XPA: variants seen among roughly 807,000 people sequenced by gnomAD.
XPA encodes XPA, DNA damage recognition and repair factor.
Under a neutral mutation model 35.7 loss-of-function variants are expected in XPA, and 27 were observed. That is an observed-to-expected ratio of 0.76 (90% CI 0.56 to 1.04). XPA has a LOEUF of 1.04. XPA is among the 50% of genes least tolerant of loss of function. XPA has a pLI of 0.00. For synonymous variants in XPA, 133 were observed against 118.4 expected (o/e 1.12, Z -0.80); for missense variants, 354 against 342.7 (o/e 1.03, Z -0.26).
At chr9:97,654,770 C>T in the XPA span, 2 of 941,562 alleles carry the variant, frequency 2.1e-6, no homozygotes, top group East Asian at 2.6e-5. Context: ...AAAAGATGTT[C>T]AGCATTATTA....
chr9:97,684,781 G>T, intron 5 of XPA, 142 bp downstream of exon 5: 1 of 756,054 alleles, frequency 1.3e-6, no homozygotes, highest in East Asian at 2.6e-5. Flanking sequence ...AACATACTGA[G>T]GGCAAACTGT....
intron 4 of XPA, among the ~76,000 whole-genome samples, chr9:97,686,088 T>G (rs1215774466): frequency 6.6e-6 from 1 of 152,232 alleles, no homozygotes; most frequent in Non-Finnish European, 1.5e-5. Flanking sequence ...CAACAGAATC[T>G]TAGTATTTAA....
At chr9:97,683,527 G>A (rs1478494628) in intron 5 of XPA, among the ~76,000 whole-genome samples, 1 of 152,124 alleles carries the variant, frequency 6.6e-6, no homozygotes, top group Non-Finnish European at 1.5e-5. Context: ...ATGTGTATAA[G>A]GATGTTGATC....
At chr9:97,667,598 ATAGC>A in the XPA span, among the ~76,000 whole-genome samples, 5 of 152,208 alleles carry the variant, frequency 3.3e-5, no homozygotes, top group Non-Finnish European at 4.4e-5. Flanking sequence ...GTTAAGTAAC[ATAGC>A]TAGTAGGTTG....
At chr9:97,658,133 G>A in the XPA span, among the ~76,000 whole-genome samples, 1 of 151,372 alleles carries the variant, frequency 6.6e-6, no homozygotes, top group South Asian at 2.1e-4. Context: ...ATTGCCATTG[G>A]GGTGTCATTG....
downstream of XPA, among the ~76,000 whole-genome samples, chr9:97,674,647 A>G (rs1828293585): frequency 6.6e-6 from 1 of 152,196 alleles, no homozygotes; most frequent in African/African-American, 2.4e-5. Flanking sequence ...TCCTTTCCTT[A>G]GAAGTCTGAA....
rs1828307385 is a variant in XPA at position 97,675,033 on chromosome 9, A to T, written c.*406T>A. ...AAAACACATGACTAGAACCTGGGGT[A>T]CAGTGGTGCACCACCATTGCTATTA... On this transcript the variant is annotated 3_prime_UTR_variant, in exon 6 of 6. Transcript: ENST00000375128. 6 of 528,736 alleles carry T rather than the reference A, an allele frequency of 1.1e-5. No individual in the cohort carries two copies. Among genetic ancestry groups the T allele is most frequent in the Non-Finnish European group, 1.8e-5 (5 of 273,018 alleles). The allele number at this position is 528,736 out of a possible 1,614,324, so 32.8% of individuals were successfully genotyped here. A position where few individuals can be genotyped will look rare whatever the true frequency, so the allele number is the denominator to read the frequency against.
intron 5 of XPA, 154 bp from the exon 6 acceptor site, chr9:97,675,741 T>C (rs535776074): frequency 7.0e-6 from 7 of 994,484 alleles, no homozygotes; most frequent in Non-Finnish European, 1.1e-5. Context: ...CAAAGTTGAT[T>C]ATACAAACTT....
Position 97,697,258 on chromosome 9 carries a change from G to GCCGCCTCCGGCAAAGCCC in XPA, c.17_34dup (p.Gly6_Ala11dup), listed in dbSNP as rs1403612568. On this transcript the variant is annotated inframe_insertion, in exon 1 of 6. Coordinates refer to ENST00000375128, the MANE Select transcript of XPA (RefSeq NM_000380.4). ...CAGCTCCGCGGGTTGCTCTAAAGCC[G>GCCGCCTCCGGCAAAGCCC]CCGCCTCCGGCAAAGCCCCGTCGGC... The GCCGCCTCCGGCAAAGCCC allele has an allele frequency of 6.3e-7, 1 of 1,599,392 alleles. No individual in the cohort carries two copies. Among genetic ancestry groups the GCCGCCTCCGGCAAAGCCC allele is most frequent in the Non-Finnish European group, 8.5e-7 (1 of 1,179,210 alleles).
In XPA at chr9:97,675,101, C is replaced by T; in HGVS notation, c.*338G>A. ...AATCCAGTTCAGCCTTTGTTGAACC[C>T]TTTTCCCTCTACCCCAATCTAGGGT... On this transcript the variant is annotated 3_prime_UTR_variant, in exon 6 of 6. Transcript: ENST00000375128. 1.8e-6 allele frequency: 1 copy of T among 543,736 alleles called. No individual in the cohort carries two copies. The highest frequency in any genetic ancestry group is 1.5e-5 in the South Asian group (1 of 65,260). 33.7% of individuals were successfully genotyped at this position (543,736 alleles called of 1,614,324 possible). A position where few individuals can be genotyped will look rare whatever the true frequency, so the allele number is the denominator to read the frequency against.
chr9:97,664,799 T>G, the XPA span, among the ~76,000 whole-genome samples: 1 of 152,168 alleles, frequency 6.6e-6, no homozygotes, highest in Non-Finnish European at 1.5e-5. Context: ...TCAGTGGGGA[T>G]GGCACCTAGA....
At chr9:97,691,879 C>CTAAATAAA (rs1265891437) in intron 2 of XPA, among the ~76,000 whole-genome samples, 14 of 87,576 alleles carry the variant, frequency 1.6e-4, no homozygotes, top group Admixed American at 4.8e-4. Flanking sequence ...AAGGCTCTTT[C>CTAAATAAA]TAAATAAATA....
At chr9:97,677,863 G>A (rs1045213428) in intron 5 of XPA, among the ~76,000 whole-genome samples, 1 of 152,046 alleles carries the variant, frequency 6.6e-6, no homozygotes, top group Non-Finnish European at 1.5e-5. Flanking sequence ...CAGAAGAGGA[G>A]GCAGCAACAG....
chr9:97,689,322 G>A (rs537770512), intron 3 of XPA, among the ~76,000 whole-genome samples: 5 of 152,164 alleles, frequency 3.3e-5, no homozygotes, highest in Admixed American at 6.5e-5. Context: ...CAGAACCATC[G>A]GCATCCTTCC....
chr9:97,675,650 A>G (rs1828339302), intron 5 of XPA, 63 bp from the exon 6 acceptor site: 5 of 1,601,170 alleles, frequency 3.1e-6, no homozygotes, highest in African/African-American at 2.7e-5. Flanking sequence ...CAAAAATCCA[A>G]CTCCATCAAG....
chr9:97,693,992 A>G (rs141068356), intron 1 of XPA, among the ~76,000 whole-genome samples: 28 of 152,270 alleles, frequency 1.8e-4, no homozygotes, highest in African/African-American at 6.5e-4. Flanking sequence ...CTATTCACAG[A>G]TGATGTAATT....
At chr9:97,656,150 G>T in the XPA span, 1 of 1,260,436 alleles carries the variant, frequency 7.9e-7, no homozygotes, top group East Asian at 2.4e-5. Flanking sequence ...CTCTGCACTT[G>T]TGATGTGTGT....
intron 5 of XPA, among the ~76,000 whole-genome samples, chr9:97,678,563 G>C (rs1828442289): frequency 6.6e-6 from 1 of 152,172 alleles, no homozygotes; most frequent in South Asian, 2.1e-4. Flanking sequence ...CCAATGATAA[G>C]TAAATGGGGC....
chr9:97,656,481 A>C, the XPA span, among the ~76,000 whole-genome samples: 1 of 152,282 alleles, frequency 6.6e-6, no homozygotes, highest in African/African-American at 2.4e-5. Context: ...TGGGAGGTTG[A>C]GGGAGAGTCC....
Sources: allele counts gnomAD v4.1 joint callset (sites outside exome capture counted in the v4.1 genomes callset), GRCh38; gene constraint gnomAD v4.1.1; transcripts MANE v1.5; gene names NCBI Gene and HGNC (gene_info 2026-07-23, HGNC 2026-07-21).